Variants in MAPK10 observed in about 807,000 individuals in gnomAD.
The protein encoded by MAPK10 is JNK3 alpha protein kinase.
Under a neutral mutation model 59.3 loss-of-function variants are expected in MAPK10, and 25 were observed. The observed-to-expected ratio is 0.42, with a 90% CI of 0.31 to 0.59. The LOEUF is 0.59. Among genes scored for constraint, MAPK10 ranks in the 20% least tolerant of loss-of-function variants. The probability of loss-of-function intolerance (pLI) is 0.15; values close to 1 mark genes in which losing one functional copy is unlikely to be tolerated. For missense variants in MAPK10, 351 were observed against 568.9 expected (o/e 0.62, Z 3.90); for synonymous variants, 190 against 200.5 (o/e 0.95, Z 0.44).
chr4:86,408,262 G>A (rs1001706776), intron 1 of MAPK10, among the ~76,000 whole-genome samples: 20 of 152,050 alleles, frequency 1.3e-4, no homozygotes, highest in African/African-American at 3.4e-4. Context: ...AGTATTCCAC[G>A]GGGTATATGT....
At chr4:86,459,097 C>G (rs553293529) in intron 1 of MAPK10, among the ~76,000 whole-genome samples, 1 of 152,148 alleles carries the variant, frequency 6.6e-6, no homozygotes, top group Admixed American at 6.5e-5. Context: ...AAAAAGTGGG[C>G]TAAGGCCATG....
intron 2 of MAPK10, among the ~76,000 whole-genome samples, chr4:86,218,789 T>C (rs1248515545): frequency 1.3e-5 from 2 of 152,164 alleles, no homozygotes; most frequent in African/African-American, 4.8e-5. Flanking sequence ...AATCTAACGA[T>C]ATAATGAGCA....
chr4:86,041,771 T>C (rs1273242729), intron 11 of MAPK10, among the ~76,000 whole-genome samples: 1 of 152,194 alleles, frequency 6.6e-6, no homozygotes, highest in African/African-American at 2.4e-5. Context: ...CACAGTGAGA[T>C]ACCATCTCAT....
At chr4:86,305,492 G>A (rs1693062791) in intron 2 of MAPK10, among the ~76,000 whole-genome samples, 1 of 152,050 alleles carries the variant, frequency 6.6e-6, no homozygotes, top group South Asian at 2.1e-4. Context: ...TGGTACGGCA[G>A]AAGAGATATT....
intron 4 of MAPK10, among the ~76,000 whole-genome samples, chr4:86,154,035 A>G (rs1389363452): frequency 6.6e-6 from 1 of 152,170 alleles, no homozygotes; most frequent in East Asian, 1.9e-4. Flanking sequence ...AATCCGTGTC[A>G]TTTAGCGTAA....
chr4:86,213,913 A>G (rs2086597537), intron 2 of MAPK10, among the ~76,000 whole-genome samples: 1 of 152,106 alleles, frequency 6.6e-6, no homozygotes, highest in African/African-American at 2.4e-5. Flanking sequence ...CAAAGATATT[A>G]CAAGAAAATA....
intron 1 of MAPK10, among the ~76,000 whole-genome samples, chr4:86,539,017 T>C (rs1758468075): frequency 6.6e-6 from 1 of 152,192 alleles, no homozygotes; most frequent in Non-Finnish European, 1.5e-5. Context: ...CACATCAGCT[T>C]GAGTCTAAGT....
At chr4:86,406,169 T>C (rs1224334596) in intron 1 of MAPK10, among the ~76,000 whole-genome samples, 1 of 152,164 alleles carries the variant, frequency 6.6e-6, no homozygotes, top group African/African-American at 2.4e-5. Context: ...GCTTTCACTA[T>C]GGCAAGTTTG....
At chr4:86,317,883 C>T (rs1014861668) in intron 2 of MAPK10, among the ~76,000 whole-genome samples, 1 of 152,142 alleles carries the variant, frequency 6.6e-6, no homozygotes, top group African/African-American at 2.4e-5. Context: ...ATCGGCAGGA[C>T]CATGCTCTCT....
intron 2 of MAPK10, among the ~76,000 whole-genome samples, chr4:86,330,527 C>G (rs541799147): frequency 1.3e-5 from 2 of 152,184 alleles, no homozygotes; most frequent in Admixed American, 1.3e-4. Context: ...GCGGTTACCC[C>G]CATGCTGCTG....
At position 86,098,512 on chromosome 4, in the gene MAPK10, G is replaced by A; in HGVS notation, c.802+12C>T. The stretch of plus-strand genomic sequence containing the variant: ...AAAACAGGTAAAGCTGTAGCAAAAG[G>A]TACAAGGATACAGTCCCTTCCTGGA... On this transcript the variant is annotated intron_variant, in intron 9 of 13. Transcript: ENST00000641462. 1 of 1,611,692 alleles carries A rather than the reference G, an allele frequency of 6.2e-7. No individual in the cohort carries two copies.
intron 2 of MAPK10, among the ~76,000 whole-genome samples, chr4:86,220,845 T>C (rs1169965252): frequency 6.6e-6 from 1 of 152,232 alleles, no homozygotes; most frequent in Non-Finnish European, 1.5e-5. Flanking sequence ...TCCCAAACTC[T>C]AGGCTCTCTA....
chr4:86,157,437 T>A (rs1006956628), intron 4 of MAPK10, among the ~76,000 whole-genome samples: 5 of 151,990 alleles, frequency 3.3e-5, no homozygotes, highest in Admixed American at 2.6e-4. Context: ...AATAAATTAA[T>A]GATATGTTTC....
At chr4:86,157,679 C>T (rs2068236704) in intron 4 of MAPK10, among the ~76,000 whole-genome samples, 1 of 151,946 alleles carries the variant, frequency 6.6e-6, no homozygotes, top group African/African-American at 2.4e-5. Context: ...GTATCTATAT[C>T]TAAGCCAAAG....
intron 1 of MAPK10, among the ~76,000 whole-genome samples, chr4:86,445,098 A>T (rs897815767): frequency 6.6e-6 from 1 of 152,166 alleles, no homozygotes; most frequent in African/African-American, 2.4e-5. Flanking sequence ...TAAATCATTC[A>T]GTTACAAAGA....
chr4:86,028,994 G>A, intron 13 of MAPK10: 1 of 647,144 alleles, frequency 1.5e-6, no homozygotes, highest in Non-Finnish European at 2.8e-6. Flanking sequence ...TTTTTGTACT[G>A]GATCATTACC....
chr4:86,197,245 C>T (rs927541942), intron 2 of MAPK10, among the ~76,000 whole-genome samples: 6 of 151,868 alleles, frequency 4.0e-5, no homozygotes, highest in African/African-American at 1.5e-4. Flanking sequence ...TGAGCAGTGG[C>T]TCATAGTTCT....
At chr4:86,426,251 C>A (rs1287532851) in intron 1 of MAPK10, among the ~76,000 whole-genome samples, 1 of 152,126 alleles carries the variant, frequency 6.6e-6, no homozygotes, top group African/African-American at 2.4e-5. Flanking sequence ...TTATTATAAT[C>A]TTTAAGATGC....
intron 1 of MAPK10, among the ~76,000 whole-genome samples, chr4:86,501,059 C>A (rs1755269198): frequency 7.5e-6 from 1 of 132,598 alleles, no homozygotes. Flanking sequence ...ACTCTTTACA[C>A]TTTCTTATGT....
Sources: gnomAD v4.1 joint callset for allele counts (sites outside exome capture counted in the v4.1 genomes callset) on GRCh38, gnomAD v4.1.1 for gene constraint, MANE v1.5 for transcripts, NCBI Gene and HGNC (gene_info 2026-07-23, HGNC 2026-07-21) for gene names.